Variants in PCLO observed in about 807,000 individuals in gnomAD.
PCLO encodes protein piccolo.
PCLO carries 82 observed loss-of-function variants against 427.5 expected under a neutral mutation model. The observed-to-expected ratio is 0.19, with a 90% CI of 0.16 to 0.23. The LOEUF is 0.23. Ranked by LOEUF, PCLO falls within the 10% of genes least tolerant of loss-of-function variation. The probability of loss-of-function intolerance (pLI) is 1.00; values close to 1 mark genes in which losing one functional copy is unlikely to be tolerated. For synonymous variants in PCLO, 2,357 were observed against 2,155.4 expected (o/e 1.09, Z -2.59); for missense variants, 6,239 against 6,115.9 (o/e 1.02, Z -0.67).
rs373739429 is a variant in PCLO, at chr7:83,104,838, T to C, written c.3300+29412A>G. Among the ~76,000 whole-genome samples, 127 of 152,250 alleles carry C rather than the reference T, an allele frequency of 8.3e-4. 4 individuals are homozygous for C. In the South Asian group the frequency reaches 0.026, roughly 31 times the overall value. On this transcript the variant is annotated intron_variant, in intron 3 of 24. Transcript: ENST00000333891. ...AAACAAAGACCTGGAAAAAGTCTTC[T>C]AAGTCTTGGGCACTGCCCTCAGCCT...
chr7:83,096,875 A>C, intron 3 of PCLO, among the ~76,000 whole-genome samples: 1 of 76,888 alleles, frequency 1.3e-5, no homozygotes, highest in African/African-American at 5.8e-5. Flanking sequence ...ATTATATAAT[A>C]TAAATATATT....
At position 83,000,284 on chromosome 7, in the gene PCLO, AG is replaced by A. The variant is rs1289120480; in HGVS notation, c.3301-33798del. 6.6e-5 allele frequency among the ~76,000 whole-genome samples: 10 copies of A among 151,234 alleles called. No individual in the cohort carries two copies. In the Middle Eastern group the frequency reaches 0.01, roughly 155 times the overall value. ...TCAAAGTGTTGAGAGAGAGAGAGAG[AG>A]AGAGAGAGAGAGAGAGAGAGAAAAT... On this transcript the variant is annotated intron_variant, in intron 3 of 24. Coordinates refer to ENST00000333891, the MANE Select transcript of PCLO (RefSeq NM_033026.6).
intron 3 of PCLO, among the ~76,000 whole-genome samples, chr7:83,085,989 G>A (rs1159394320): frequency 6.6e-6 from 1 of 152,102 alleles, no homozygotes; most frequent in African/African-American, 2.4e-5. Flanking sequence ...AATGTGACTT[G>A]ATGGACAAAT....
chr7:83,077,375 G>A (rs1253321765), intron 3 of PCLO, among the ~76,000 whole-genome samples: 4 of 152,016 alleles, frequency 2.6e-5, no homozygotes, highest in Admixed American at 6.6e-5. Context: ...ACTCATGAAT[G>A]CTTCATAACC....
chr7:83,073,164 C>T (rs1043803401), intron 3 of PCLO, among the ~76,000 whole-genome samples: 18 of 151,888 alleles, frequency 1.2e-4, no homozygotes, highest in Admixed American at 6.6e-5. Context: ...AGGAATAATG[C>T]CATTCTCACC....
At chr7:83,024,616 G>A (rs1400793392) in intron 3 of PCLO, among the ~76,000 whole-genome samples, 1 of 152,190 alleles carries the variant, frequency 6.6e-6, no homozygotes, top group African/African-American at 2.4e-5. Context: ...AGCTCAAGGA[G>A]GCCTGCCTGC....
At chr7:82,871,054 T>C (rs1164781692) in intron 10 of PCLO, among the ~76,000 whole-genome samples, 2 of 151,976 alleles carry the variant, frequency 1.3e-5, no homozygotes, top group East Asian at 3.9e-4. Flanking sequence ...GTATGGAGAT[T>C]CCTCAAAAAA....
At chr7:83,095,538 T>C (rs1329671768) in intron 3 of PCLO, among the ~76,000 whole-genome samples, 1 of 151,914 alleles carries the variant, frequency 6.6e-6, no homozygotes, top group Non-Finnish European at 1.5e-5. Context: ...TCTGAGACGT[T>C]TTCTCTTTTA....
intron 1 of PCLO, among the ~76,000 whole-genome samples, chr7:83,158,177 C>CA (rs1476172769): frequency 6.6e-6 from 1 of 151,976 alleles, no homozygotes; most frequent in Non-Finnish European, 1.5e-5. Flanking sequence ...GAAAAGTTTA[C>CA]AAAAATATAT....
At position 82,955,123 on chromosome 7, in the gene PCLO, C is replaced by G; in HGVS notation, c.5830G>C (p.Glu1944Gln). ...ATTAGCATCCCACCATACAAAGGCTCTTTTTCAAACACTTCATCTCGTTCA... is the reference window on the plus strand; with the variant it reads ...ATTAGCATCCCACCATACAAAGGCTGTTTTTCAAACACTTCATCTCGTTCA... Reference protein sequence around the residue: ...ANERDEVFEKEPLYGGMLIED... With the variant: ...ANERDEVFEKQPLYGGMLIED... Residue 1944 changes from glutamate (E) to glutamine (Q), a missense_variant, in exon 5 of 25, where the codon GAG becomes CAG. Glu to Gln is a conservative substitution (Grantham distance 29). Transcript: ENST00000333891. 6.2e-7 allele frequency: 1 copy of G among 1,613,688 alleles called. No homozygotes were observed. Among genetic ancestry groups the G allele is most frequent in the Non-Finnish European group, 8.5e-7 (1 of 1,179,812 alleles).
intron 3 of PCLO, among the ~76,000 whole-genome samples, chr7:83,007,551 A>T (rs141308539): frequency 0.016 from 2,469 of 151,794 alleles, 25 homozygotes; most frequent in Middle Eastern, 0.027. Context: ...ATAGAGAAAT[A>T]TTATGTAGCA....
At chr7:82,772,415 C>T (rs1228528691) in intron 22 of PCLO, among the ~76,000 whole-genome samples, 2 of 152,068 alleles carry the variant, frequency 1.3e-5, no homozygotes, top group Non-Finnish European at 2.9e-5. Context: ...CCTCCTAGCA[C>T]ATTCTCATGT....
Position 82,756,317 on chromosome 7 carries a change from G to A in PCLO, c.*2258C>T, listed in dbSNP as rs1032694160. 2.0e-5 allele frequency: 3 copies of A among 151,920 alleles called. No homozygotes were observed. Among genetic ancestry groups the A allele is most frequent in the African/African-American group, 7.3e-5 (3 of 41,364 alleles). The allele number at this position is 151,920 out of a possible 1,614,324, so 9.4% of individuals were successfully genotyped here. ...GCTTCTTCAAGTGCTAGCTTCTGCT[G>A]GAAATATCCATGGCAACCATCAGCA... On this transcript the variant is annotated 3_prime_UTR_variant, in exon 25 of 25. Transcript: ENST00000333891.
rs562550346 is a variant in PCLO at position 83,083,451 on chromosome 7, TAC to T, written c.3300+50797_3300+50798del. 5.8e-4 allele frequency among the ~76,000 whole-genome samples: 88 copies of T among 152,158 alleles called. 1 individual carries two copies. The South Asian group carries it at 0.018, about 31-fold the overall frequency. ...TTTTTTATTTTTGAGGGTTTCCTTT[TAC>T]ATTGAGTAAAAAATTAAATACTGTA... On this transcript the variant is annotated intron_variant, in intron 3 of 24. Coordinates refer to ENST00000333891, the MANE Select transcript of PCLO (RefSeq NM_033026.6).
At chr7:83,064,903 A>C (rs1361565981) in intron 3 of PCLO, among the ~76,000 whole-genome samples, 1 of 152,008 alleles carries the variant, frequency 6.6e-6, no homozygotes, top group Non-Finnish European at 1.5e-5. Context: ...CTCCAAAGGG[A>C]ACAATAACTT....
At chr7:82,909,475 T>C (rs956126994) in intron 7 of PCLO, among the ~76,000 whole-genome samples, 3 of 151,978 alleles carry the variant, frequency 2.0e-5, no homozygotes, top group African/African-American at 7.2e-5. Context: ...CTATGGCACA[T>C]GTATACCTAT....
chr7:82,861,169 G>C (rs150899999), intron 10 of PCLO, among the ~76,000 whole-genome samples: 3 of 151,892 alleles, frequency 2.0e-5, no homozygotes, highest in Admixed American at 6.6e-5. Context: ...GTGGCTGAAT[G>C]GGTGAATAAA....
chr7:83,035,355 T>C (rs1788768157), intron 3 of PCLO, among the ~76,000 whole-genome samples: 1 of 152,214 alleles, frequency 6.6e-6, no homozygotes, highest in East Asian at 1.9e-4. Context: ...TTTACAACTT[T>C]GTAGGGCTAG....
intron 3 of PCLO, among the ~76,000 whole-genome samples, chr7:83,104,133 C>T (rs1337724976): frequency 6.6e-6 from 1 of 151,234 alleles, no homozygotes; most frequent in African/African-American, 2.4e-5. Flanking sequence ...ACAACATTTT[C>T]TTAATTTACC....
Sources: gnomAD v4.1 joint callset for allele counts (sites outside exome capture counted in the v4.1 genomes callset) on GRCh38, gnomAD v4.1.1 for gene constraint, MANE v1.5 for transcripts, NCBI Gene and HGNC (gene_info 2026-07-23, HGNC 2026-07-21) for gene names.